Variants in ATAD3C observed in about 807,000 individuals in gnomAD.
The protein encoded by ATAD3C is ATPase family AAA domain-containing protein 3C.
A neutral mutation model predicts 46.3 loss-of-function variants in ATAD3C; 38 were observed. That is an observed-to-expected ratio of 0.82 (90% CI 0.63 to 1.08). The LOEUF (loss-of-function observed/expected upper bound fraction) is 1.08. Among genes scored for constraint, ATAD3C ranks in the 50% least tolerant of loss-of-function variants. The pLI, the probability that ATAD3C is intolerant of heterozygous loss-of-function variation, is 0.00. For missense variants in ATAD3C, 563 were observed against 572.7 expected, an observed-to-expected ratio of 0.98 and a Z score of 0.17; for synonymous variants, 220 against 236.4, an observed-to-expected ratio of 0.93 and a Z score of 0.63.
Position 1,460,917 on chromosome 1 carries a change from G to T in ATAD3C, c.980G>T (p.Arg327Leu). The T allele has an allele frequency of 1.9e-6, 3 of 1,604,646 alleles. No individual in the cohort carries two copies. The highest frequency in any genetic ancestry group is 1.1e-5 in the South Asian group (1 of 89,488). ...CTTAAGCCGGCCACAGAAGGAAAGC[G>T]GTAAGTGTCCCGCCCCACCAGCCCC... ...YVLKPATEGK[R>L]RLKLAQFDYG... Residue 327 changes from arginine to leucine, a missense_variant and splice_region_variant, in exon 10 of 12, where the codon CGG (arginine) becomes CTG (leucine). By Grantham distance (102) the Arg-to-Leu change is moderately radical. Coordinates refer to ENST00000378785, the MANE Select transcript of ATAD3C (RefSeq NM_001039211.3).
rs750085802 is a variant in ATAD3C, at chr1:1,462,423, C to G, written c.981-177C>G. On this transcript the variant is annotated intron_variant, in intron 10 of 11. Transcript: ENST00000378785. The surrounding 1 kb of genome is among the most constrained non-coding windows in gnomAD (Gnocchi z 4.5). Reference sequence around the variant, plus strand: ...AGGCCCCACAGCCGCCCCCTTCCTGCTCAGCCCAGGCCTGGCTTGCGTCAG... The same window carrying G: ...AGGCCCCACAGCCGCCCCCTTCCTGGTCAGCCCAGGCCTGGCTTGCGTCAG... 28 of 636,566 alleles carry G rather than the reference C, an allele frequency of 4.4e-5. No homozygotes were observed. Among genetic ancestry groups the G allele is most frequent in the South Asian group, 2.1e-4 (11 of 53,288 alleles). 39.4% of individuals were successfully genotyped at this position (636,566 alleles called of 1,614,324 possible). A position where few individuals can be genotyped will look rare whatever the true frequency, so the allele number is the denominator to read the frequency against.
rs774019721 is a variant in ATAD3C at position 1,468,603 on chromosome 1, A to G, written c.*73A>G. Reference sequence around the variant, plus strand: ...CACCCCTGCCTTTGCGGCCCCGCACATTTAGGAAATACTCCCCGTAATAAA... The same window carrying G: ...CACCCCTGCCTTTGCGGCCCCGCACGTTTAGGAAATACTCCCCGTAATAAA... On this transcript the variant is annotated 3_prime_UTR_variant, in exon 12 of 12. Transcript: ENST00000378785. The G allele has an allele frequency of 4.4e-6, 7 of 1,585,808 alleles. No individual in the cohort carries two copies. Among genetic ancestry groups the G allele is most frequent in the East Asian group, 4.5e-5 (2 of 44,206 alleles).
chr1:1,452,939 T>G (rs960350135), intron 3 of ATAD3C, among the ~76,000 whole-genome samples: 11 of 152,018 alleles, frequency 7.2e-5, no homozygotes, highest in African/African-American at 2.7e-4. Context: ...GCCTCACTCT[T>G]TTGTGCCCAG....
At position 1,454,207 on chromosome 1, in the gene ATAD3C, C is replaced by A. The variant is rs974564462; in HGVS notation, c.223-138C>A. ...GCTGTGGGATTCGGGGCTGGGAATT[C>A]GGGTTCCTGTGGGGCCAGCACACGG... is the stretch of plus-strand genomic sequence containing the variant. On this transcript the variant is annotated intron_variant, in intron 3 of 11. Transcript: ENST00000378785. 5.8e-5 allele frequency: 83 copies of A among 1,419,562 alleles called. 2 individuals are homozygous for A. Among genetic ancestry groups the A allele is most frequent in the Non-Finnish European group, 7.4e-5 (80 of 1,077,822 alleles). The allele number at this position is 1,419,562 out of a possible 1,614,324, so 87.9% of individuals were successfully genotyped here.
rs1638869753 is a variant in ATAD3C, at chr1:1,452,079, G to A, written c.109G>A (p.Glu37Lys). 5 of 1,613,582 alleles carry A rather than the reference G, an allele frequency of 3.1e-6. No individual in the cohort carries two copies. The highest frequency in any genetic ancestry group is 1.3e-5 in the African/African-American group (1 of 74,936). Residue 37 changes from glutamate to lysine, a missense_variant, in exon 2 of 12, where the codon GAG becomes AAG. This residue lies in a region of ATAD3C where 263 missense variants were observed against 243.1 expected (regional missense o/e 1.08). Transcript: ENST00000378785. ...CAATGAGGATTTACGGAAGCAGGAG[G>A]AGTCCGTGCAGAAGCACCATCAGAC... ...LVNEDLRKQE[E>K]SVQKHHQTFL...
chr1:1,457,255 G>T, intron 8 of ATAD3C, 75 bp downstream of exon 8: 6 of 1,595,866 alleles, frequency 3.8e-6, no homozygotes, highest in African/African-American at 1.3e-5. Flanking sequence ...GGGCCAGGCC[G>T]CAGCCCACTG....
chr1:1,469,099 T>TAAAAAAAAAAAA lies in ATAD3C; in HGVS notation c.*595_*606dup, dbSNP rs70949592. The TAAAAAAAAAAAA allele has an allele frequency of 1.1e-3, 21 of 18,872 alleles. 5 individuals are homozygous for TAAAAAAAAAAAA. Among genetic ancestry groups the TAAAAAAAAAAAA allele is most frequent in the Admixed American group, 2.7e-3 (4 of 1,498 alleles). 1.2% of individuals were successfully genotyped at this position (18,872 alleles called of 1,614,324 possible). A position where few individuals can be genotyped will look rare whatever the true frequency, so the allele number is the denominator to read the frequency against. ...CAACATGGTGAAACTCCATCTCTCC[T>TAAAAAAAAAAAA]AAAAAAAAAAAAAAAAAAAAAAAAA... On this transcript the variant is annotated 3_prime_UTR_variant, in exon 12 of 12. Coordinates refer to ENST00000378785, the MANE Select transcript of ATAD3C (RefSeq NM_001039211.3).
chr1:1,465,047 G>A (rs557044622), intron 11 of ATAD3C, among the ~76,000 whole-genome samples: 5 of 151,034 alleles, frequency 3.3e-5, no homozygotes, highest in African/African-American at 4.8e-5. Flanking sequence ...CAACATGCCC[G>A]GCTAATTTTT....
In ATAD3C at chr1:1,456,001, G is replaced by T. The variant is rs1187216260; in HGVS notation, c.564+85G>T. ...GTGTCTGGGGGGCTCAGCTGCCTGGGGAATGGACCCCCCTTAGGCCTTTGC... is the reference window on the plus strand; with the variant it reads ...GTGTCTGGGGGGCTCAGCTGCCTGGTGAATGGACCCCCCTTAGGCCTTTGC... On this transcript the variant is annotated intron_variant, in intron 6 of 11. Coordinates refer to ENST00000378785, the MANE Select transcript of ATAD3C (RefSeq NM_001039211.3). 1.6e-4 allele frequency: 258 copies of T among 1,593,582 alleles called. 4 individuals are homozygous for T. Among genetic ancestry groups the T allele is most frequent in the Non-Finnish European group, 2.1e-4 (252 of 1,173,852 alleles).
chr1:1,450,675 C>T lies in ATAD3C; in HGVS notation c.-9C>T, dbSNP rs1313353732. Reference sequence around the variant, plus strand: ...ACACCTGCCCTCCGTGTCCCTGCATCTGCAGGCCATGTCAAAGGACGCCCT... The same window carrying T: ...ACACCTGCCCTCCGTGTCCCTGCATTTGCAGGCCATGTCAAAGGACGCCCT... On this transcript the variant is annotated 5_prime_UTR_variant, in exon 1 of 12. Coordinates refer to ENST00000378785, the MANE Select transcript of ATAD3C (RefSeq NM_001039211.3). The T allele has an allele frequency of 6.2e-7, 1 of 1,611,022 alleles. No homozygotes were observed. The highest frequency in any genetic ancestry group is 2.2e-5 in the East Asian group (1 of 44,834).
rs1169441397 is a variant in ATAD3C at position 1,454,334 on chromosome 1, C to G, written c.223-11C>G. 1 of 1,595,900 alleles carries G rather than the reference C, an allele frequency of 6.3e-7. No homozygotes were observed. Among genetic ancestry groups the G allele is most frequent in the Non-Finnish European group, 8.5e-7 (1 of 1,173,096 alleles). On this transcript the variant is annotated splice_polypyrimidine_tract_variant and intron_variant, in intron 3 of 11. Transcript: ENST00000378785. ...GGGGGCCGGTGCGCCAGTGCGGTGT[C>G]TCTGCTGCAGGTGGCTGGGCTGACG...
rs767127598 is a variant in ATAD3C, at chr1:1,468,554, C to G, written c.*24C>G. The G allele has an allele frequency of 6.3e-7, 1 of 1,590,618 alleles. No homozygotes were observed. The highest frequency in any genetic ancestry group is 8.6e-7 in the Non-Finnish European group (1 of 1,167,612). ...GAGTCCATGGGGAGACCACACCTCA[C>G]GGAGCCTGGCCGCGGACCCCTCCCA... is the stretch of plus-strand genomic sequence containing the variant. On this transcript the variant is annotated 3_prime_UTR_variant, in exon 12 of 12. Transcript: ENST00000378785.
rs771803974 is a variant in ATAD3C, at chr1:1,459,028, C to A, written c.742-133C>A. Reference sequence around the variant, plus strand: ...GTCACCGCCCCTGGCCCTGGTCAGGCTTTTGAGTCTAGATCCGTGAAAGTG... The same window carrying A: ...GTCACCGCCCCTGGCCCTGGTCAGGATTTTGAGTCTAGATCCGTGAAAGTG... On this transcript the variant is annotated intron_variant, in intron 8 of 11. Coordinates refer to ENST00000378785, the MANE Select transcript of ATAD3C (RefSeq NM_001039211.3). This position sits in a 1 kb window ranked among gnomAD's most constrained non-coding sequence, Gnocchi z 4.9. 7.2e-6 allele frequency: 11 copies of A among 1,527,130 alleles called. No homozygotes were observed. The highest frequency in any genetic ancestry group is 2.1e-5 in the Admixed American group (1 of 46,802). 94.6% of individuals were successfully genotyped at this position (1,527,130 alleles called of 1,614,324 possible).
At chr1:1,458,780 C>T (rs971519513) in intron 8 of ATAD3C, among the ~76,000 whole-genome samples, 3 of 150,908 alleles carry the variant, frequency 2.0e-5, no homozygotes, top group Non-Finnish European at 3.0e-5. Flanking sequence ...TGGAGTGCAG[C>T]GGTGCCATTT....
rs1373081423 is a variant in ATAD3C, at chr1:1,452,092, A to T, written c.122A>T (p.Lys41Met). 6.2e-7 allele frequency: 1 copy of T among 1,613,558 alleles called. No homozygotes were observed. The highest frequency in any genetic ancestry group is 1.3e-5 in the African/African-American group (1 of 74,932). ...DLRKQEESVQ[K>M]HHQTFLESIR... is the part of the protein sequence containing the mutation. ...CGGAAGCAGGAGGAGTCCGTGCAGA[A>T]GCACCATCAGACCTTCTTGGAGTCC... The change falls in exon 2 of 12, where the codon AAG becomes ATG. Residue 41 changes from lysine (K) to methionine (M), a missense_variant. Transcript: ENST00000378785.
chr1:1,463,110 A>C (rs183396040), intron 11 of ATAD3C, among the ~76,000 whole-genome samples: 3 of 152,026 alleles, frequency 2.0e-5, no homozygotes, highest in Non-Finnish European at 4.4e-5. Context: ...GACCAAGTCC[A>C]TTGGCTTGGT....
chr1:1,461,771 G>A (rs1474488079), intron 10 of ATAD3C, among the ~76,000 whole-genome samples: 1 of 152,068 alleles, frequency 6.6e-6, no homozygotes, highest in Non-Finnish European at 1.5e-5. Flanking sequence ...GGGACTAGAG[G>A]GAGAGGCTCC....
At chr1:1,457,071 C>T (rs1781149) in intron 7 of ATAD3C, 58 bp from the exon 8 acceptor site, 393,423 of 1,607,862 alleles carry the variant, frequency 0.24, 62,526 homozygotes, top group African/African-American at 0.54. Flanking sequence ...GGCCGGACGC[C>T]GCTGTGGGCT....
rs534999866 is a variant in ATAD3C, at chr1:1,455,722, C to T, written c.439-69C>T. On this transcript the variant is annotated intron_variant, in intron 5 of 11. Transcript: ENST00000378785. ...AGCGGAGTCCACACCCAGGCATTCT[C>T]GCAGCCCCTGCCCCCGAGGCTTCTG... 3.6e-5 allele frequency: 57 copies of T among 1,597,744 alleles called. 1 individual carries two copies. Among genetic ancestry groups the T allele is most frequent in the Admixed American group, 6.9e-5 (4 of 57,990 alleles).
Sources: allele counts gnomAD v4.1 joint callset (sites outside exome capture counted in the v4.1 genomes callset), GRCh38; gene constraint gnomAD v4.1.1; regional missense constraint gnomAD v4.1.1; non-coding constraint Gnocchi (gnomAD v3.1); transcripts MANE v1.5; gene names NCBI Gene and HGNC (gene_info 2026-07-23, HGNC 2026-07-21).